CLNK: variants seen among roughly 807,000 people sequenced by gnomAD.
CLNK encodes cytokine-dependent hematopoietic cell linker.
In CLNK, 74 loss-of-function variants were observed where a neutral mutation model predicts 68.6. The observed-to-expected ratio is 1.08, with a 90% CI of 0.89 to 1.31. The LOEUF (loss-of-function observed/expected upper bound fraction) is 1.31, where lower values mean the gene tolerates loss of function less well. Ranked by LOEUF, CLNK falls within the 50% of genes most tolerant of loss-of-function variation. CLNK has a pLI of 0.00. For missense variants in CLNK, 553 were observed against 515.3 expected (o/e 1.07, Z -0.71); for synonymous variants, 198 against 172.2 (o/e 1.15, Z -1.17).
chr4:10,646,935 A>G (rs1723536063), intron 2 of CLNK, among the ~76,000 whole-genome samples: 1 of 152,210 alleles, frequency 6.6e-6, no homozygotes, highest in Non-Finnish European at 1.5e-5. Context: ...ACTCCACTGA[A>G]GAAATATGTG....
intron 11 of CLNK, among the ~76,000 whole-genome samples, chr4:10,538,801 C>T (rs56845943): frequency 0.063 from 9,530 of 152,160 alleles, 593 homozygotes; most frequent in East Asian, 0.17. Context: ...ACAGACTTGT[C>T]AATTTGTTAT....
At chr4:10,574,631 G>A (rs1437611973) in intron 4 of CLNK, among the ~76,000 whole-genome samples, 1 of 152,120 alleles carries the variant, frequency 6.6e-6, no homozygotes, top group Non-Finnish European at 1.5e-5. Flanking sequence ...CCCTTTAAGG[G>A]AGGAGACCAC....
chr4:10,603,933 T>C (rs1721689039), intron 2 of CLNK, among the ~76,000 whole-genome samples: 1 of 152,216 alleles, frequency 6.6e-6, no homozygotes. Flanking sequence ...GCTTTGGTTA[T>C]ATTTTTTAGT....
intron 1 of CLNK, among the ~76,000 whole-genome samples, chr4:10,677,698 C>G (rs1276636122): frequency 6.6e-6 from 1 of 152,054 alleles, no homozygotes; most frequent in East Asian, 1.9e-4. Context: ...GGCTGCTTCC[C>G]CTTCTGCCAT....
chr4:10,585,248 C>T (rs1273949447), intron 3 of CLNK, among the ~76,000 whole-genome samples: 1 of 152,218 alleles, frequency 6.6e-6, no homozygotes, highest in Non-Finnish European at 1.5e-5. Context: ...AAGATGTATG[C>T]ATACATTTAA....
chr4:10,674,032 C>T (rs552661546), intron 1 of CLNK, among the ~76,000 whole-genome samples: 1 of 152,320 alleles, frequency 6.6e-6, no homozygotes, highest in South Asian at 2.1e-4. Flanking sequence ...AAAGGAATGA[C>T]ACTGAGGTGT....
chr4:10,713,814 C>A, the CLNK span, among the ~76,000 whole-genome samples: 1 of 152,158 alleles, frequency 6.6e-6, no homozygotes, highest in Non-Finnish European at 1.5e-5. Flanking sequence ...CAGATGCCAG[C>A]ACCATGCTTC....
intron 1 of CLNK, among the ~76,000 whole-genome samples, chr4:10,678,066 G>C (rs1421691373): frequency 6.6e-6 from 1 of 152,096 alleles, no homozygotes; most frequent in Non-Finnish European, 1.5e-5. Flanking sequence ...CTGTAACTTC[G>C]AGTACATTTA....
intron 2 of CLNK, among the ~76,000 whole-genome samples, chr4:10,629,760 G>A (rs1722814086): frequency 6.6e-6 from 1 of 151,860 alleles, no homozygotes; most frequent in African/African-American, 2.4e-5. Context: ...GTTCAGGGGG[G>A]AAGGCAGTGT....
intron 15 of CLNK, among the ~76,000 whole-genome samples, chr4:10,518,156 A>G (rs978898019): frequency 2.0e-5 from 3 of 152,188 alleles, no homozygotes; most frequent in African/African-American, 7.2e-5. Context: ...GAGGTGCACA[A>G]TAAATTTGAG....
chr4:10,576,894 C>A (rs573554966), intron 4 of CLNK, among the ~76,000 whole-genome samples: 1 of 152,302 alleles, frequency 6.6e-6, no homozygotes, highest in South Asian at 2.1e-4. Flanking sequence ...TTTGGAAACA[C>A]TTCTGGGAGC....
At chr4:10,528,728 G>A (rs575032779) in intron 12 of CLNK, among the ~76,000 whole-genome samples, 2 of 152,224 alleles carry the variant, frequency 1.3e-5, no homozygotes, top group South Asian at 4.1e-4. Flanking sequence ...ATATTTGTGT[G>A]TATGCAGAAA....
chr4:10,680,986 GAT>G (rs372041491), intron 1 of CLNK, among the ~76,000 whole-genome samples: 17 of 149,682 alleles, frequency 1.1e-4, no homozygotes, highest in Non-Finnish European at 7.4e-5. Context: ...AGGACGTCCT[GAT>G]ATATATATAT....
chr4:10,604,159 A>G (rs1721698976), intron 2 of CLNK, among the ~76,000 whole-genome samples: 1 of 152,218 alleles, frequency 6.6e-6, no homozygotes, highest in South Asian at 2.1e-4. Context: ...GTTCGTGATT[A>G]TATTTATTCT....
intron 11 of CLNK, among the ~76,000 whole-genome samples, chr4:10,536,823 C>G (rs1718777785): frequency 6.6e-6 from 1 of 152,098 alleles, no homozygotes; most frequent in South Asian, 2.1e-4. Flanking sequence ...CCAGAGATAT[C>G]AAATGCCAAC....
intron 13 of CLNK, among the ~76,000 whole-genome samples, chr4:10,526,192 T>C (rs1307476821): frequency 6.6e-6 from 1 of 152,174 alleles, no homozygotes; most frequent in East Asian, 1.9e-4. Context: ...GAATATTACA[T>C]TGGAAGGTAT....
At chr4:10,636,534 C>A (rs1054911546) in intron 2 of CLNK, among the ~76,000 whole-genome samples, 1 of 152,082 alleles carries the variant, frequency 6.6e-6, no homozygotes, top group Admixed American at 6.6e-5. Context: ...CAGTTTGTGG[C>A]TATTTGTTAT....
intron 13 of CLNK, 147 bp downstream of exon 13, chr4:10,527,929 C>G (rs950148660): frequency 5.3e-6 from 2 of 380,708 alleles, no homozygotes; most frequent in Non-Finnish European, 9.4e-6. Flanking sequence ...GTGTGTGCAT[C>G]AGGATCACGT....
chr4:10,706,904 G>T, the CLNK span, among the ~76,000 whole-genome samples: 57 of 152,252 alleles, frequency 3.7e-4, no homozygotes, highest in Non-Finnish European at 7.8e-4. Context: ...GATGGGAAGG[G>T]AAGTTGAACA....
Sources: allele counts gnomAD v4.1 joint callset (sites outside exome capture counted in the v4.1 genomes callset), GRCh38; gene constraint gnomAD v4.1.1; transcripts MANE v1.5; gene names NCBI Gene and HGNC (gene_info 2026-07-23, HGNC 2026-07-21).